The following ARHGEF10 variants were observed in gnomAD, a reference collection of about 807,000 sequenced individuals.
ARHGEF10 encodes the protein Rho guanine nucleotide exchange factor 10.
In ARHGEF10, 140 loss-of-function variants were observed where a neutral mutation model predicts 147.4. The observed-to-expected ratio is 0.95, with a 90% CI of 0.83 to 1.09. The LOEUF is 1.09. Among genes scored for constraint, ARHGEF10 ranks in the 50% least tolerant of loss-of-function variants. The probability of loss-of-function intolerance (pLI) is 0.00; values close to 1 mark genes in which losing one functional copy is unlikely to be tolerated. For synonymous variants in ARHGEF10, 902 were observed against 695.8 expected (o/e 1.30, Z -4.67); for missense variants, 2,222 against 1,752.7 (o/e 1.27, Z -4.78).
chr8:1,878,621 C>A (rs775404295), intron 8 of ARHGEF10, among the ~76,000 whole-genome samples: 1 of 152,012 alleles, frequency 6.6e-6, no homozygotes, highest in Non-Finnish European at 1.5e-5. Context: ...GTGTGTGCCT[C>A]GGAGCGTGGG....
At chr8:1,829,787 T>C (rs1402964010) in intron 1 of ARHGEF10, among the ~76,000 whole-genome samples, 1 of 152,132 alleles carries the variant, frequency 6.6e-6, no homozygotes, top group Non-Finnish European at 1.5e-5. Context: ...GCATTCGTGG[T>C]CCCGAATCCG....
At chr8:1,846,443 T>C (rs1400626261) in intron 2 of ARHGEF10, among the ~76,000 whole-genome samples, 1 of 152,256 alleles carries the variant, frequency 6.6e-6, no homozygotes, top group East Asian at 1.9e-4. Context: ...AAGATCAGGA[T>C]CCAGCAGGAA....
chr8:1,896,105 T>A (rs1310537934), intron 13 of ARHGEF10, among the ~76,000 whole-genome samples: 3 of 152,170 alleles, frequency 2.0e-5, no homozygotes, highest in African/African-American at 7.2e-5. Context: ...TGAACAAGGA[T>A]GTCAGAAAGT....
chr8:1,863,262 A>AC lies in ARHGEF10; in HGVS notation c.482-1104dup, dbSNP rs992848294. 4.0e-5 allele frequency among the ~76,000 whole-genome samples: 6 copies of AC among 151,750 alleles called. No homozygotes were observed. The East Asian group carries it at 5.8e-4, about 15-fold the overall frequency. On this transcript the variant is annotated intron_variant, in intron 4 of 28. Coordinates refer to ENST00000349830, the MANE Select transcript of ARHGEF10 (RefSeq NM_014629.4). ...GATTTGCAGCGCTACCCGCAGATCC[A>AC]CCCCCCCAGCCCCTCGGGCATCTCG...
At chr8:1,881,164 C>A (rs563665689) in intron 9 of ARHGEF10, among the ~76,000 whole-genome samples, 2 of 152,276 alleles carry the variant, frequency 1.3e-5, no homozygotes, top group African/African-American at 4.8e-5. Flanking sequence ...GCTGGGGAGG[C>A]AGCCAGGGCT....
intron 18 of ARHGEF10, among the ~76,000 whole-genome samples, chr8:1,921,698 G>A (rs749134723): frequency 2.0e-5 from 3 of 151,828 alleles, no homozygotes; most frequent in Admixed American, 6.6e-5. Context: ...TCGTGCCATC[G>A]CACTGCAGCC....
chr8:1,924,184 CAAGGCGG>C (rs1480185469), intron 21 of ARHGEF10, among the ~76,000 whole-genome samples: 1 of 152,164 alleles, frequency 6.6e-6, no homozygotes, highest in Non-Finnish European at 1.5e-5. Flanking sequence ...GCCAGGTGCT[CAAGGCGG>C]GCGGCGGGCG....
At chr8:1,852,489 C>T (rs975702776) in intron 2 of ARHGEF10, among the ~76,000 whole-genome samples, 3 of 137,426 alleles carry the variant, frequency 2.2e-5, no homozygotes, top group African/African-American at 2.8e-5. Flanking sequence ...TGGAGAGGAC[C>T]GGGGAGCAGC....
Position 1,948,697 on chromosome 8 carries a change from G to A in ARHGEF10, c.3397+3042G>A, listed in dbSNP as rs1814786856. Among the ~76,000 whole-genome samples, 1 of 152,198 alleles carries A rather than the reference G, an allele frequency of 6.6e-6. No homozygotes were observed. Among genetic ancestry groups the A allele is most frequent in the Non-Finnish European group, 1.5e-5 (1 of 68,038 alleles). ...TCAGAGGGAATGAGCAGGCCAGAGA[G>A]TCCTTTCCTCCAGAGAGTCCTTTCA... On this transcript the variant is annotated intron_variant, in intron 27 of 28. Transcript: ENST00000349830. The surrounding 1 kb of genome is among the most constrained non-coding windows in gnomAD (Gnocchi z 4.9).
intron 3 of ARHGEF10, among the ~76,000 whole-genome samples, chr8:1,858,339 C>T (rs1346144287): frequency 6.6e-6 from 1 of 152,196 alleles, no homozygotes; most frequent in Non-Finnish European, 1.5e-5. Flanking sequence ...ATTTTCTCCC[C>T]ATTCTTACGG....
At chr8:1,846,620 C>T (rs80082532) in intron 2 of ARHGEF10, among the ~76,000 whole-genome samples, 13 of 152,142 alleles carry the variant, frequency 8.5e-5, no homozygotes, top group African/African-American at 2.9e-4. Flanking sequence ...CTCTCTCACC[C>T]AGGCTGGAGT....
At chr8:1,912,327 T>C (rs562772230) in intron 18 of ARHGEF10, among the ~76,000 whole-genome samples, 16 of 151,392 alleles carry the variant, frequency 1.1e-4, no homozygotes, top group Non-Finnish European at 2.2e-4. Context: ...GTGCATTTGC[T>C]GTGTGGTGTT....
chr8:1,914,730 G>A (rs899425310), intron 18 of ARHGEF10, among the ~76,000 whole-genome samples: 6 of 151,398 alleles, frequency 4.0e-5, no homozygotes, highest in African/African-American at 1.2e-4. Flanking sequence ...AAAACAGCAC[G>A]TGTGTGTGTG....
chr8:1,844,645 A>C (rs4875951), intron 2 of ARHGEF10, among the ~76,000 whole-genome samples: 5 of 152,130 alleles, frequency 3.3e-5, no homozygotes, highest in African/African-American at 9.7e-5. Context: ...CCACAGCTCC[A>C]CTGCTTCTCT....
Position 1,882,621 on chromosome 8 carries a change from C to A in ARHGEF10, c.961-14C>A, listed in dbSNP as rs1176585682. The A allele has an allele frequency of 6.4e-7, 1 of 1,550,574 alleles. No individual in the cohort carries two copies. The highest frequency in any genetic ancestry group is 8.7e-7 in the Non-Finnish European group (1 of 1,146,160). ...TGCCGCCGTCCCGTTCTCACATCTC[C>A]CTCTCCGTCGCAGATGCAGAAGCTC... On this transcript the variant is annotated splice_polypyrimidine_tract_variant and intron_variant, in intron 9 of 28. Transcript: ENST00000349830.
Position 1,945,539 on chromosome 8 carries a change from G to A in ARHGEF10, c.3281G>A (p.Gly1094Asp). Residue 1094 changes from glycine to aspartate, a missense_variant, in exon 27 of 29, where the codon GGC becomes GAC. By Grantham distance (94) the Gly-to-Asp change is moderately conservative. Coordinates refer to ENST00000349830, the MANE Select transcript of ARHGEF10 (RefSeq NM_014629.4). ...GTGATCTCCCACATGGCCGTGTCCG[G>A]CGTCGGGATCTGGATTGCCTTCACC... Reference protein sequence around the residue: ...GMVISHMAVSGVGIWIAFTSG... With the variant: ...GMVISHMAVSDVGIWIAFTSG... The A allele has an allele frequency of 6.2e-7, 1 of 1,614,174 alleles. No homozygotes were observed. The highest frequency in any genetic ancestry group is 1.6e-4 in the Middle Eastern group (1 of 6,062).
At chr8:1,951,280 G>C (rs58854534) in intron 27 of ARHGEF10, among the ~76,000 whole-genome samples, 1,548 of 152,366 alleles carry the variant, frequency 0.01, 27 homozygotes, top group African/African-American at 0.035. Flanking sequence ...CGTACCCTGC[G>C]TATCAGCTTT....
rs111978809 is a variant in ARHGEF10 at position 1,956,965 on chromosome 8, C to A, written c.3737C>A (p.Ser1246Ter). Reference protein sequence around the residue: ...DPDAAIWLGDSLGSMTQKSDL... With the variant: ...DPDAAIWLGD The stretch of plus-strand genomic sequence containing the variant: ...GACGCAGCCATCTGGTTGGGAGATT[C>A]GCTGGGATCGATGACTCAGAAAAGC... The change falls in exon 29 of 29, where the codon TCG (serine) becomes TAG (stop). Residue 1246 changes from serine (S) to a stop codon, truncating the protein, a stop_gained. Transcript: ENST00000349830. LOFTEE classifies it low-confidence loss of function (END_TRUNC). 1.2e-6 allele frequency: 2 copies of A among 1,614,148 alleles called. No homozygotes were observed. The highest frequency in any genetic ancestry group is 2.2e-5 in the South Asian group (2 of 91,086).
At position 1,876,483 on chromosome 8, in the gene ARHGEF10, A is replaced by G. The variant is rs190152353; in HGVS notation, c.680-88A>G. 35 of 1,336,212 alleles carry G rather than the reference A, an allele frequency of 2.6e-5. No individual in the cohort carries two copies. The East Asian group carries it at 7.8e-4, about 30-fold the overall frequency. The allele number at this position is 1,336,212 out of a possible 1,614,324, so 82.8% of individuals were successfully genotyped here. A position where few individuals can be genotyped will look rare whatever the true frequency, so the allele number is the denominator to read the frequency against. On this transcript the variant is annotated intron_variant, in intron 7 of 28. Coordinates refer to ENST00000349830, the MANE Select transcript of ARHGEF10 (RefSeq NM_014629.4). The stretch of plus-strand genomic sequence containing the variant: ...CAGATTTCCTTCCACCCCCAGCTCT[A>G]GATGATTTGGTAAAACCACAAACAG...
Sources: allele counts gnomAD v4.1 joint callset (sites outside exome capture counted in the v4.1 genomes callset), GRCh38; gene constraint gnomAD v4.1.1; non-coding constraint Gnocchi (gnomAD v3.1); transcripts MANE v1.5; gene names NCBI Gene and HGNC (gene_info 2026-07-23, HGNC 2026-07-21).